The following EEF1G variants were observed in gnomAD, a reference collection of about 807,000 sequenced individuals.
EEF1G encodes eukaryotic translation elongation factor 1 gamma.
Under a neutral mutation model 58.3 loss-of-function variants are expected in EEF1G, and 14 were observed. That is an observed-to-expected ratio of 0.24 (90% CI 0.16 to 0.38). The LOEUF (loss-of-function observed/expected upper bound fraction) is 0.38, where lower values mean the gene tolerates loss of function less well. EEF1G is among the 10% of genes least tolerant of loss of function. The probability of loss-of-function intolerance (pLI) is 1.00; values close to 1 mark genes in which losing one functional copy is unlikely to be tolerated. For synonymous variants in EEF1G, 180 were observed against 206.8 expected, an observed-to-expected ratio of 0.87 and a Z score of 1.11; for missense variants, 322 against 550.1, an observed-to-expected ratio of 0.59 and a Z score of 4.15.
At chr11:62,561,029 A>G (rs1474348417) in intron 7 of EEF1G, among the ~76,000 whole-genome samples, 2 of 152,204 alleles carry the variant, frequency 1.3e-5, no homozygotes, top group Non-Finnish European at 2.9e-5. Flanking sequence ...AATCTGGCAT[A>G]CTGAGCCAAG....
intron 3 of EEF1G, 25 bp from the exon 4 acceptor site, chr11:62,571,707 A>G (rs1360490049): frequency 6.3e-7 from 1 of 1,580,238 alleles, no homozygotes; most frequent in Admixed American, 1.8e-5. Flanking sequence ...CACGAAGGTC[A>G]GAACTCTGGG....
rs1352796980 is a variant in EEF1G at position 62,572,485 on chromosome 11, G to C, written c.171+99C>G. On this transcript the variant is annotated intron_variant, in intron 2 of 9. Coordinates refer to ENST00000329251, the MANE Select transcript of EEF1G (RefSeq NM_001404.5). ...CACCGAAATTGAATAAAACAACATG[G>C]GAAGCTCCCTTTTAGAGATGGGGGC... The C allele has an allele frequency of 4.8e-6, 7 of 1,456,520 alleles. No individual in the cohort carries two copies. The South Asian group carries it at 7.7e-5, about 16-fold the overall frequency. 90.2% of individuals were successfully genotyped at this position (1,456,520 alleles called of 1,614,324 possible). A position where few individuals can be genotyped will look rare whatever the true frequency, so the allele number is the denominator to read the frequency against.
At chr11:62,572,997 TC>T (rs1941654708) in intron 1 of EEF1G, 3 of 306,824 alleles carry the variant, frequency 9.8e-6, no homozygotes, top group African/African-American at 6.5e-5. Context: ...CTGGAAGTAT[TC>T]TCTTCCTCTC....
intron 7 of EEF1G, among the ~76,000 whole-genome samples, chr11:62,565,397 A>C (rs76721933): frequency 6.6e-6 from 1 of 152,090 alleles, no homozygotes; most frequent in Admixed American, 6.5e-5. Context: ...AAAAAAAAAA[A>C]CCTTGGGGAA....
At chr11:62,573,507 A>AACGGAC in intron 1 of EEF1G, 1 of 493,334 alleles carries the variant, frequency 2.0e-6, no homozygotes, top group East Asian at 3.5e-5. Context: ...TACTCCACAA[A>AACGGAC]ACGGACACAG....
chr11:62,571,928 G>A, intron 2 of EEF1G, 27 bp from the exon 3 acceptor site: 1 of 1,556,922 alleles, frequency 6.4e-7, no homozygotes, highest in Non-Finnish European at 8.7e-7. Flanking sequence ...GAAAAGATAA[G>A]GTAAAACACA....
At chr11:62,572,813 G>GCT (rs1354195808) in intron 1 of EEF1G, 71 bp from the exon 2 acceptor site, 9 of 1,428,888 alleles carry the variant, frequency 6.3e-6, no homozygotes, top group Admixed American at 2.2e-5. Context: ...TCTCCAGGAT[G>GCT]ACTTTCCTGA....
chr11:62,565,273 C>A (rs747024616), intron 7 of EEF1G, among the ~76,000 whole-genome samples: 1 of 151,886 alleles, frequency 6.6e-6, no homozygotes, highest in African/African-American at 2.4e-5. Context: ...TTTGTCCCAG[C>A]TACTCCAGAG....
intron 4 of EEF1G, among the ~76,000 whole-genome samples, 158 bp from the exon 5 acceptor site, chr11:62,571,266 TACAA>T (rs1010125846): frequency 4.6e-5 from 7 of 152,222 alleles, no homozygotes; most frequent in Admixed American, 3.3e-4. Context: ...CTAAATGTAT[TACAA>T]ACAATGAACT....
chr11:62,566,778 C>T, intron 7 of EEF1G, 28 bp downstream of exon 7: 1 of 1,611,302 alleles, frequency 6.2e-7, no homozygotes. Flanking sequence ...TCTTTGGTCC[C>T]ACACCCTCCA....
chr11:62,571,998 C>A, intron 2 of EEF1G, 97 bp from the exon 3 acceptor site: 1 of 1,025,108 alleles, frequency 9.8e-7, no homozygotes, highest in South Asian at 1.4e-5. Context: ...TTATATAAGG[C>A]TGATGATTCT....
chr11:62,564,364 T>G (rs1312420744), intron 7 of EEF1G, among the ~76,000 whole-genome samples: 4 of 149,400 alleles, frequency 2.7e-5, no homozygotes, highest in African/African-American at 7.4e-5. Flanking sequence ...CTCGGGAGGC[T>G]GAGGCAGGAG....
intron 1 of EEF1G, 198 bp from the exon 2 acceptor site, chr11:62,572,940 T>C: frequency 2.2e-6 from 1 of 459,514 alleles, no homozygotes; most frequent in Middle Eastern, 5.6e-4. Flanking sequence ...ACACACCAAC[T>C]GCTAAATAAA....
chr11:62,569,103 C>CACA (rs1565262144), intron 5 of EEF1G, among the ~76,000 whole-genome samples: 194 of 147,154 alleles, frequency 1.3e-3, no homozygotes, highest in African/African-American at 3.3e-3. Context: ...ACACACACAC[C>CACA]CCCCACACCC....
At chr11:62,560,692 C>T (rs111936218) in intron 7 of EEF1G, among the ~76,000 whole-genome samples, 154 of 152,278 alleles carry the variant, frequency 1.0e-3, no homozygotes, top group Non-Finnish European at 1.6e-3. Flanking sequence ...GACTCTGAGA[C>T]CTGCCCCAGG....
In EEF1G at chr11:62,559,852, C is replaced by T; in HGVS notation, c.1156-15G>A. Reference sequence around the variant, plus strand: ...TCTGGACTCAGCTGGGGATAAAAAGCCAGCATGTGGTCAAGTTATGAGACA... The same window carrying T: ...TCTGGACTCAGCTGGGGATAAAAAGTCAGCATGTGGTCAAGTTATGAGACA... On this transcript the variant is annotated splice_polypyrimidine_tract_variant and intron_variant, in intron 9 of 9. Transcript: ENST00000329251. The T allele has an allele frequency of 6.2e-7, 1 of 1,613,964 alleles. No homozygotes were observed. Among genetic ancestry groups the T allele is most frequent in the Non-Finnish European group, 8.5e-7 (1 of 1,179,866 alleles).
chr11:62,562,080 TATA>T (rs1349482324), intron 7 of EEF1G, among the ~76,000 whole-genome samples: 1 of 152,244 alleles, frequency 6.6e-6, no homozygotes, highest in African/African-American at 2.4e-5. Flanking sequence ...CATATCTAAT[TATA>T]ATGAAGGATT....
At position 62,559,841 on chromosome 11, in the gene EEF1G, G is replaced by C. The variant is rs748106702; in HGVS notation, c.1156-4C>G. The stretch of plus-strand genomic sequence containing the variant: ...CCACCTGCCAATCTGGACTCAGCTG[G>C]GGATAAAAAGCCAGCATGTGGTCAA... On this transcript the variant is annotated splice_region_variant and splice_polypyrimidine_tract_variant and intron_variant, in intron 9 of 9. Coordinates refer to ENST00000329251, the MANE Select transcript of EEF1G (RefSeq NM_001404.5). 6.2e-6 allele frequency: 10 copies of C among 1,613,778 alleles called. No homozygotes were observed. Among genetic ancestry groups the C allele is most frequent in the Non-Finnish European group, 8.5e-6 (10 of 1,179,876 alleles).
At chr11:62,573,199 G>C (rs1235125732) in intron 1 of EEF1G, 5 of 157,430 alleles carry the variant, frequency 3.2e-5, no homozygotes, top group African/African-American at 9.6e-5. Flanking sequence ...ACGATCGAGA[G>C]ATTTCTAGTT....
Sources: gnomAD v4.1 joint callset for allele counts (sites outside exome capture counted in the v4.1 genomes callset) on GRCh38, gnomAD v4.1.1 for gene constraint, MANE v1.5 for transcripts, NCBI Gene and HGNC (gene_info 2026-07-23, HGNC 2026-07-21) for gene names.